CEP83: variants seen among roughly 807,000 people sequenced by gnomAD.
CEP83 encodes centrosomal protein 83, also known as centrosomal protein of 83 kDa.
CEP83 carries 70 observed loss-of-function variants against 101.9 expected under a neutral mutation model. That is an observed-to-expected ratio of 0.69 (90% CI 0.57 to 0.84). The LOEUF (loss-of-function observed/expected upper bound fraction) is 0.84, where lower values mean the gene tolerates loss of function less well. CEP83 is among the 40% of genes least tolerant of loss of function. CEP83 has a pLI of 0.00. For synonymous variants in CEP83, 264 were observed against 267.9 expected, an observed-to-expected ratio of 0.99 and a Z score of 0.14; for missense variants, 715 against 787.2, an observed-to-expected ratio of 0.91 and a Z score of 1.10.
At chr12:94,402,374 C>T (rs2063305317) in intron 5 of CEP83, 2 of 151,492 alleles carry the variant, frequency 1.3e-5, no homozygotes, top group Admixed American at 1.3e-4. Context: ...AATAAATAAG[C>T]AAATTATACA....
chr12:94,381,766 C>G (rs932328701), intron 6 of CEP83, among the ~76,000 whole-genome samples: 1 of 152,014 alleles, frequency 6.6e-6, no homozygotes, highest in Admixed American at 6.6e-5. Flanking sequence ...ATCTGTTCCT[C>G]TGTATAAGAT....
intron 2 of CEP83, among the ~76,000 whole-genome samples, chr12:94,430,428 T>TA (rs968346948): frequency 2.4e-4 from 36 of 149,874 alleles, no homozygotes; most frequent in East Asian, 9.7e-4. Context: ...TAGGTATCAT[T>TA]AAAAAAAAAG....
At chr12:94,306,830 A>C (rs1252325501), downstream of CEP83, 2 of 152,222 alleles carry the variant, frequency 1.3e-5, no homozygotes, top group African/African-American at 4.8e-5. Context: ...CTACCCTGAT[A>C]GGCACCTTCC....
At chr12:94,265,679 C>T in the CEP83 span, among the ~76,000 whole-genome samples, 1 of 152,168 alleles carries the variant, frequency 6.6e-6, no homozygotes, top group African/African-American at 2.4e-5. Flanking sequence ...TGCAACGTGA[C>T]GCCCTTTATT....
chr12:94,377,826 A>G (rs1405994833), intron 7 of CEP83, among the ~76,000 whole-genome samples: 16 of 152,228 alleles, frequency 1.1e-4, no homozygotes, highest in Admixed American at 1.0e-3. Context: ...GGATGGAAGG[A>G]TGGCAACATA....
downstream of CEP83, chr12:94,304,141 A>T: frequency 3.6e-6 from 3 of 838,144 alleles, no homozygotes; most frequent in South Asian, 1.8e-5. Context: ...CAGCTCTGGC[A>T]TCCCAAAAGG....
rs779985881 is a variant in CEP83, at chr12:94,411,667, C to T, written c.324+30G>A. 1.8e-5 allele frequency: 28 copies of T among 1,556,446 alleles called. No individual in the cohort carries two copies. In the East Asian group the frequency reaches 5.9e-4, roughly 33 times the overall value. On this transcript the variant is annotated intron_variant, in intron 4 of 16. Coordinates refer to ENST00000397809, the MANE Select transcript of CEP83 (RefSeq NM_016122.3). ...CACTACGTATCTGACTGCTTTTATA[C>T]TAACTCAAAACTCAAATATATTTTC...
chr12:94,292,386 T>C, the CEP83 span, among the ~76,000 whole-genome samples: 1 of 152,240 alleles, frequency 6.6e-6, no homozygotes, highest in South Asian at 2.1e-4. Context: ...TGCCAGTATA[T>C]ATTTAATGTG....
In CEP83 at chr12:94,368,163, C is replaced by T; in HGVS notation, c.1087G>A (p.Glu363Lys). 2 of 1,612,854 alleles carry T rather than the reference C, an allele frequency of 1.2e-6. No individual in the cohort carries two copies. The highest frequency in any genetic ancestry group is 1.7e-6 in the Non-Finnish European group (2 of 1,179,392). The change falls in exon 10 of 17, where the codon GAA becomes AAA. Residue 363 changes from glutamate (E) to lysine (K), a missense_variant. Glu to Lys is a moderately conservative substitution (Grantham distance 56, BLOSUM62 1). Coordinates refer to ENST00000397809, the MANE Select transcript of CEP83 (RefSeq NM_016122.3). Reference sequence around the variant, plus strand: ...TCTACTAAGAGCACTTTGTGATGTTCAACAGCTGCTTTGAGAATTTCATTG... The same window carrying T: ...TCTACTAAGAGCACTTTGTGATGTTTAACAGCTGCTTTGAGAATTTCATTG... ...SDNEILKAAV[E>K]HHKVLLVEKD... is the part of the protein sequence containing the mutation.
At chr12:94,265,849 C>T in the CEP83 span, among the ~76,000 whole-genome samples, 1 of 152,128 alleles carries the variant, frequency 6.6e-6, no homozygotes, top group East Asian at 1.9e-4. Context: ...ATCCCCACCG[C>T]ACCCACCCCA....
chr12:94,335,923 G>T, intron 11 of CEP83: 1 of 346,270 alleles, frequency 2.9e-6, no homozygotes. Context: ...ACTGGGGAAC[G>T]CTACATGGAT....
chr12:94,294,460 CAT>C, the CEP83 span: 3 of 1,074,070 alleles, frequency 2.8e-6, no homozygotes, highest in African/African-American at 4.7e-5. Flanking sequence ...TTTGAACACT[CAT>C]ATATCTTTTA....
chr12:94,267,830 C>T, the CEP83 span, among the ~76,000 whole-genome samples: 1 of 152,286 alleles, frequency 6.6e-6, no homozygotes, highest in Non-Finnish European at 1.5e-5. Flanking sequence ...TTTCTTTCTT[C>T]CTCCCTTCCC....
At chr12:94,333,692 G>A in intron 12 of CEP83, 53 bp from the exon 13 acceptor site, 1 of 1,559,692 alleles carries the variant, frequency 6.4e-7, no homozygotes, top group Non-Finnish European at 8.7e-7. Context: ...AATGCGGTAA[G>A]GTATGAGAGA....
the CEP83 span, chr12:94,272,457 C>G: frequency 7.2e-5 from 11 of 152,354 alleles, no homozygotes; most frequent in African/African-American, 2.4e-4. Context: ...ATGTCATCGG[C>G]CAGGACTTAG....
Position 94,308,823 on chromosome 12 carries a change from G to T in CEP83, c.2096C>A (p.Ser699Tyr). The change falls in exon 17 of 17, where the codon TCC becomes TAC. Residue 699 changes from serine to tyrosine, a missense_variant. Ser to Tyr is a moderately radical substitution (Grantham distance 144). Transcript: ENST00000397809. ...TGTTCTCCAAGAACATCATTCTCCG[G>T]AAGATCCAAGTTCCTCTAGTTGTTT... ...QRKQLEELGS[S>Y]GE The T allele has an allele frequency of 6.2e-7, 1 of 1,608,060 alleles. No homozygotes were observed. Among genetic ancestry groups the T allele is most frequent in the Non-Finnish European group, 8.5e-7 (1 of 1,174,784 alleles).
intron 6 of CEP83, among the ~76,000 whole-genome samples, chr12:94,387,652 C>T (rs1344858841): frequency 6.6e-6 from 1 of 152,112 alleles, no homozygotes; most frequent in East Asian, 1.9e-4. Flanking sequence ...AGACAACCCA[C>T]AGAATGGGAG....
intron 14 of CEP83, among the ~76,000 whole-genome samples, chr12:94,331,011 A>T (rs1258284856): frequency 6.6e-6 from 1 of 152,092 alleles, no homozygotes; most frequent in Non-Finnish European, 1.5e-5. Context: ...GTTTATTAGG[A>T]TGGACGCGGT....
At chr12:94,269,194 T>G in the CEP83 span, among the ~76,000 whole-genome samples, 1 of 152,232 alleles carries the variant, frequency 6.6e-6, no homozygotes, top group African/African-American at 2.4e-5. Flanking sequence ...AAAACGAGCT[T>G]GCCAATCTGC....
Sources: gnomAD v4.1 joint callset for allele counts (sites outside exome capture counted in the v4.1 genomes callset) on GRCh38, gnomAD v4.1.1 for gene constraint, MANE v1.5 for transcripts, NCBI Gene and HGNC (gene_info 2026-07-23, HGNC 2026-07-21) for gene names.